RCC2: variants seen among roughly 807,000 people sequenced by gnomAD.
RCC2 encodes the protein protein RCC2.
Under a neutral mutation model 64.1 loss-of-function variants are expected in RCC2, and 19 were observed. The observed-to-expected ratio is 0.30, with a 90% CI of 0.21 to 0.44. The LOEUF is 0.44. RCC2 is among the 20% of genes least tolerant of loss of function. RCC2 has a pLI of 1.00. For synonymous variants in RCC2, 325 were observed against 279.6 expected (o/e 1.16, Z -1.62); for missense variants, 508 against 710.4 (o/e 0.72, Z 3.24).
At chr1:17,419,464 T>A (rs115047942) in intron 7 of RCC2, among the ~76,000 whole-genome samples, 452 of 152,282 alleles carry the variant, frequency 3.0e-3, no homozygotes, top group African/African-American at 0.01. Context: ...TTAGGTTCAT[T>A]CTAAAAGTGA....
At position 17,416,661 on chromosome 1, in the gene RCC2, G is replaced by A. The variant is rs2075489260; in HGVS notation, c.860-15C>T. On this transcript the variant is annotated splice_polypyrimidine_tract_variant and intron_variant, in intron 7 of 12. Transcript: ENST00000375436. ...TGAGTTGTGTCCTGTAGAGACCACA[G>A]AGCCGGCCATCAGCAGCAGCACAAG... The A allele has an allele frequency of 6.3e-7, 1 of 1,598,742 alleles. No homozygotes were observed. The highest frequency in any genetic ancestry group is 1.1e-5 in the South Asian group (1 of 90,258).
At chr1:17,429,999 C>T (rs2075658867) in intron 2 of RCC2, among the ~76,000 whole-genome samples, 1 of 152,342 alleles carries the variant, frequency 6.6e-6, no homozygotes, top group East Asian at 1.9e-4. Context: ...TTGTTCAATT[C>T]TGGGTGGCAC....
chr1:17,421,283 T>G (rs917723459), intron 6 of RCC2, among the ~76,000 whole-genome samples: 1 of 151,898 alleles, frequency 6.6e-6, no homozygotes, highest in South Asian at 2.1e-4. Context: ...GATCAGGAAG[T>G]CAAGAGATGG....
In RCC2 at chr1:17,416,676, A is replaced by G. The variant is rs377698412; in HGVS notation, c.860-30T>C. The G allele has an allele frequency of 5.0e-6, 8 of 1,589,458 alleles. No homozygotes were observed. The African/African-American group carries it at 1.1e-4, about 21-fold the overall frequency. On this transcript the variant is annotated intron_variant, in intron 7 of 12. Transcript: ENST00000375436. Reference sequence around the variant, plus strand: ...AGAGACCACAGAGCCGGCCATCAGCAGCAGCACAAGCACAAGGGACGTGTC... The same window carrying G: ...AGAGACCACAGAGCCGGCCATCAGCGGCAGCACAAGCACAAGGGACGTGTC...
At chr1:17,420,897 G>A in intron 6 of RCC2, 69 bp from the exon 7 acceptor site, 2 of 1,008,974 alleles carry the variant, frequency 2.0e-6, no homozygotes, top group South Asian at 1.5e-5. Context: ...CTCTCTGCAT[G>A]TTGGTGGGAA....
chr1:17,411,978 G>T, intron 11 of RCC2, 144 bp downstream of exon 11: 1 of 719,208 alleles, frequency 1.4e-6, no homozygotes, highest in East Asian at 2.7e-5. Flanking sequence ...GGACTCAATC[G>T]TGTTGCAAAC....
chr1:17,419,671 G>A (rs192618544), intron 7 of RCC2, among the ~76,000 whole-genome samples: 5 of 152,298 alleles, frequency 3.3e-5, no homozygotes, highest in Non-Finnish European at 5.9e-5. Flanking sequence ...AAAGTGAGCC[G>A]TTTTTATCAC....
intron 10 of RCC2, 148 bp from the exon 11 acceptor site, chr1:17,412,342 T>C: frequency 1.5e-6 from 1 of 668,192 alleles, no homozygotes; most frequent in South Asian, 1.9e-5. Context: ...CCAACAGGTT[T>C]CTCCTCAATC....
intron 2 of RCC2, 132 bp downstream of exon 2, chr1:17,438,098 G>T: frequency 1.7e-6 from 1 of 580,246 alleles, no homozygotes; most frequent in Non-Finnish European, 2.2e-6. Flanking sequence ...TCAGCCCGCG[G>T]CCTGCGCCGG....
At chr1:17,417,427 G>C (rs1455719795) in intron 7 of RCC2, among the ~76,000 whole-genome samples, 3 of 152,216 alleles carry the variant, frequency 2.0e-5, no homozygotes, top group African/African-American at 7.2e-5. Context: ...CAGCACGTTG[G>C]GAGGCCGAAG....
intron 4 of RCC2, 127 bp from the exon 5 acceptor site, chr1:17,422,963 C>CCAA (rs5772758): frequency 0.99 from 1,131,193 of 1,138,652 alleles, 561,991 homozygotes; most frequent in East Asian, 1. Context: ...CTCCAAATTC[C>CCAA]CAACAGCCAA....
At chr1:17,432,695 G>A (rs1342059186) in intron 2 of RCC2, among the ~76,000 whole-genome samples, 1 of 152,260 alleles carries the variant, frequency 6.6e-6, no homozygotes, top group African/African-American at 2.4e-5. Context: ...TTGGCCTTGG[G>A]GAGGGAGTTT....
chr1:17,436,311 C>CT (rs1490545204), intron 2 of RCC2, among the ~76,000 whole-genome samples: 1 of 152,164 alleles, frequency 6.6e-6, no homozygotes, highest in East Asian at 1.9e-4. Context: ...TGAGACCAGC[C>CT]TGGCCAACAT....
chr1:17,435,149 CG>C (rs2075722600), intron 2 of RCC2, among the ~76,000 whole-genome samples: 1 of 152,022 alleles, frequency 6.6e-6, no homozygotes, highest in African/African-American at 2.4e-5. Flanking sequence ...TGAGTGTGGC[CG>C]TGAGAGCGGA....
At chr1:17,411,437 G>A (rs4920604) in intron 11 of RCC2, among the ~76,000 whole-genome samples, 126 of 152,248 alleles carry the variant, frequency 8.3e-4, no homozygotes, top group Middle Eastern at 3.4e-3. Context: ...TTAGCTGGGC[G>A]TGGTGGCAAA....
intron 3 of RCC2, among the ~76,000 whole-genome samples, chr1:17,428,090 A>G (rs1453842273): frequency 6.6e-6 from 1 of 152,142 alleles, no homozygotes; most frequent in Non-Finnish European, 1.5e-5. Context: ...TGGCCCTGCC[A>G]CTCGCTTCCT....
At chr1:17,422,968 A>AACC in intron 4 of RCC2, 132 bp from the exon 5 acceptor site, 5 of 1,222,482 alleles carry the variant, frequency 4.1e-6, no homozygotes, top group East Asian at 4.9e-5. Flanking sequence ...AATTCCCAAC[A>AACC]GCCAAGATCC....
At chr1:17,431,342 A>ATAAAAAATAAAAAAAT (rs1433186157) in intron 2 of RCC2, among the ~76,000 whole-genome samples, 15 of 70,034 alleles carry the variant, frequency 2.1e-4, no homozygotes, top group Non-Finnish European at 3.8e-4. Flanking sequence ...TCAAAAAAAA[A>ATAAAAAATAAAAAAAT]AAAAAAAAAA....
chr1:17,429,272 C>T, intron 2 of RCC2, 73 bp from the exon 3 acceptor site: 1 of 1,166,796 alleles, frequency 8.6e-7, no homozygotes, highest in Non-Finnish European at 1.3e-6. Context: ...TGTCCAATGA[C>T]AGCACGAAAC....
Sources: gnomAD v4.1 joint callset for allele counts (sites outside exome capture counted in the v4.1 genomes callset) on GRCh38, gnomAD v4.1.1 for gene constraint, MANE v1.5 for transcripts, NCBI Gene and HGNC (gene_info 2026-07-23, HGNC 2026-07-21) for gene names.